Variants in SIPA1L3 observed in about 807,000 individuals in gnomAD.
SIPA1L3 encodes the protein signal induced proliferation associated 1 like 3.
A neutral mutation model predicts 150.1 loss-of-function variants in SIPA1L3; 59 were observed. The ratio of observed to expected loss-of-function variants is 0.39; its 90% CI spans 0.32 to 0.49. The LOEUF (loss-of-function observed/expected upper bound fraction) is 0.49, where lower values mean the gene tolerates loss of function less well. Ranked by LOEUF, SIPA1L3 falls within the 20% of genes least tolerant of loss-of-function variation. The pLI is 0.86. For missense variants in SIPA1L3, 2,211 were observed against 2,489.5 expected (o/e 0.89, Z 2.38); for synonymous variants, 1,070 against 1,077.6 (o/e 0.99, Z 0.14).
chr19:37,977,591 C>T (rs190038807), intron 1 of SIPA1L3, among the ~76,000 whole-genome samples: 2 of 152,130 alleles, frequency 1.3e-5, no homozygotes, highest in African/African-American at 4.8e-5. Context: ...ACGCCCCCCC[C>T]CACAGAAGTA....
chr19:38,079,327 C>T (rs368977926), intron 2 of SIPA1L3, among the ~76,000 whole-genome samples: 1 of 152,172 alleles, frequency 6.6e-6, no homozygotes, highest in Non-Finnish European at 1.5e-5. Context: ...AGCGAGACTC[C>T]GTCTCAACTG....
intron 2 of SIPA1L3, among the ~76,000 whole-genome samples, chr19:38,029,885 C>T (rs1968606139): frequency 7.1e-6 from 1 of 140,400 alleles, no homozygotes; most frequent in African/African-American, 2.6e-5. Flanking sequence ...GATGGAGTCT[C>T]ACTCTGTCAC....
chr19:38,041,701 C>G (rs1310396205), intron 2 of SIPA1L3, among the ~76,000 whole-genome samples: 1 of 152,110 alleles, frequency 6.6e-6, no homozygotes, highest in Non-Finnish European at 1.5e-5. Flanking sequence ...CTCAGCCTCC[C>G]AAGTAGCTGA....
intron 4 of SIPA1L3, among the ~76,000 whole-genome samples, chr19:38,093,614 C>T (rs1373798007): frequency 6.6e-6 from 1 of 152,208 alleles, no homozygotes; most frequent in Non-Finnish European, 1.5e-5. Flanking sequence ...GGGGTTCTGT[C>T]CTTCTCATAT....
chr19:38,126,294 A>G (rs1971171105), intron 9 of SIPA1L3, among the ~76,000 whole-genome samples: 1 of 152,188 alleles, frequency 6.6e-6, no homozygotes, highest in Admixed American at 6.6e-5. Context: ...ATGGTGCTAA[A>G]TCAGACAAGG....
At chr19:38,149,170 G>A (rs771179208) in intron 12 of SIPA1L3, among the ~76,000 whole-genome samples, 2 of 152,154 alleles carry the variant, frequency 1.3e-5, no homozygotes, top group Non-Finnish European at 2.9e-5. Context: ...GTGGGCAGGT[G>A]CAAGCAGATC....
intron 4 of SIPA1L3, among the ~76,000 whole-genome samples, chr19:38,095,956 C>A (rs187119315): frequency 6.6e-6 from 1 of 152,254 alleles, no homozygotes; most frequent in East Asian, 1.9e-4. Flanking sequence ...TAACTGAAAC[C>A]CACAACCCCA....
At chr19:38,053,482 G>C (rs760928740) in intron 2 of SIPA1L3, among the ~76,000 whole-genome samples, 7 of 152,096 alleles carry the variant, frequency 4.6e-5, no homozygotes, top group Non-Finnish European at 1.0e-4. Flanking sequence ...ACTTCCTGGT[G>C]GTCACCTATG....
chr19:38,155,397 T>C (rs1971922636), intron 13 of SIPA1L3, among the ~76,000 whole-genome samples: 1 of 152,228 alleles, frequency 6.6e-6, no homozygotes, highest in Admixed American at 6.5e-5. Flanking sequence ...TTGAATTCTT[T>C]ATGTCTGTAA....
chr19:37,930,396 C>T (rs942293057), intron 1 of SIPA1L3, among the ~76,000 whole-genome samples: 8 of 150,928 alleles, frequency 5.3e-5, no homozygotes, highest in Admixed American at 2.0e-4. Context: ...GGGGCTCAAG[C>T]GATCCTCCCA....
In SIPA1L3 at chr19:38,192,196, A is replaced by G; in HGVS notation, c.4482A>G (p.Ala1494=). Residue 1494 remains alanine (A), a synonymous_variant, in exon 17 of 22, where the codon GCA becomes GCG. Coordinates refer to ENST00000222345, the MANE Select transcript of SIPA1L3 (RefSeq NM_015073.3). ...KNVFGQPRLR[A]SLRDLRSPRK... ...TCTTTGGGCAACCGAGGTTGAGGGC[A>G]TCCCTCCGAGACCTCCGGTCACCAC... 1 of 1,613,082 alleles carries G rather than the reference A, an allele frequency of 6.2e-7. No homozygotes were observed. The highest frequency in any genetic ancestry group is 8.5e-7 in the Non-Finnish European group (1 of 1,179,652).
intron 1 of SIPA1L3, among the ~76,000 whole-genome samples, chr19:38,000,983 CACAT>C (rs1459281990): frequency 6.9e-5 from 10 of 145,300 alleles, no homozygotes; most frequent in Non-Finnish European, 1.3e-4. Flanking sequence ...ATATATAACA[CACAT>C]ATATATAACA....
At chr19:37,917,977 C>T (rs1307955677) in intron 1 of SIPA1L3, among the ~76,000 whole-genome samples, 1 of 151,848 alleles carries the variant, frequency 6.6e-6, no homozygotes, top group African/African-American at 2.4e-5. Context: ...TGCACTCCAG[C>T]CTGGGTGACG....
rs146195674 is a variant in SIPA1L3 at position 38,180,646 on chromosome 19, C to T, written c.4209-1873C>T. On this transcript the variant is annotated intron_variant, in intron 15 of 21. Coordinates refer to ENST00000222345, the MANE Select transcript of SIPA1L3 (RefSeq NM_015073.3). ...GCGACCTCCGCCTCCCGGGTTCAAG[C>T]GATTCTCCTGCTTCAGCCTCCCAAG... Among the ~76,000 whole-genome samples the T allele has an allele frequency of 9.1e-4, 138 of 150,820 alleles. 1 individual carries two copies. Among genetic ancestry groups the T allele is most frequent in the African/African-American group, 3.2e-3 (130 of 40,984 alleles).
At chr19:38,132,801 C>A (rs1169776722) in intron 10 of SIPA1L3, among the ~76,000 whole-genome samples, 2 of 151,718 alleles carry the variant, frequency 1.3e-5, no homozygotes, top group African/African-American at 4.8e-5. Context: ...GCATGTAGCA[C>A]CACACCTGGC....
chr19:38,003,339 G>T (rs1406258019), intron 1 of SIPA1L3, among the ~76,000 whole-genome samples: 1 of 152,122 alleles, frequency 6.6e-6, no homozygotes, highest in Non-Finnish European at 1.5e-5. Context: ...AAGAAGAATG[G>T]GATTTTTCAA....
At chr19:38,069,597 G>A (rs1373734401) in intron 2 of SIPA1L3, among the ~76,000 whole-genome samples, 3 of 152,142 alleles carry the variant, frequency 2.0e-5, no homozygotes, top group African/African-American at 4.8e-5. Context: ...TCAGGCCTGC[G>A]CCCCACCCCA....
intron 1 of SIPA1L3, among the ~76,000 whole-genome samples, chr19:37,950,334 C>T (rs549203086): frequency 1.3e-5 from 2 of 152,260 alleles, no homozygotes; most frequent in Non-Finnish European, 2.9e-5. Flanking sequence ...TCGTTGTCAT[C>T]CTTACTTTTC....
chr19:38,189,228 G>A (rs1423420437), intron 16 of SIPA1L3, among the ~76,000 whole-genome samples: 2 of 148,770 alleles, frequency 1.3e-5, no homozygotes, highest in East Asian at 4.1e-4. Flanking sequence ...TCAACCTCCC[G>A]ATCTCAAGCA....
Sources: allele counts gnomAD v4.1 joint callset (sites outside exome capture counted in the v4.1 genomes callset), GRCh38; gene constraint gnomAD v4.1.1; transcripts MANE v1.5; gene names NCBI Gene and HGNC (gene_info 2026-07-23, HGNC 2026-07-21).